Variants in LOC122539214 observed in about 807,000 individuals in gnomAD.
the LOC122539214 span, among the ~76,000 whole-genome samples, chr19:52,656,226 CTA>C: frequency 0.42 from 60,083 of 144,658 alleles, 12,272 homozygotes; most frequent in Middle Eastern, 0.47. Flanking sequence ...CTCTCTCTCT[CTA>C]TATATATATA....
the LOC122539214 span, among the ~76,000 whole-genome samples, chr19:52,687,987 G>A: frequency 6.6e-6 from 1 of 151,956 alleles, no homozygotes; most frequent in Non-Finnish European, 1.5e-5. Context: ...CCAACTGGAA[G>A]CTAACCTCTG....
the LOC122539214 span, among the ~76,000 whole-genome samples, chr19:52,666,177 A>AC: frequency 6.6e-6 from 1 of 151,072 alleles, no homozygotes; most frequent in Non-Finnish European, 1.5e-5. Context: ...AAAAAAAAAA[A>AC]AGAAAGAGAC....
chr19:52,671,282 C>CT, the LOC122539214 span, among the ~76,000 whole-genome samples: 38 of 152,118 alleles, frequency 2.5e-4, no homozygotes, highest in South Asian at 4.2e-3. Flanking sequence ...TTCTCAAATA[C>CT]TTTTTTTTAC....
At chr19:52,678,039 CAAAACAAAACAA>C in the LOC122539214 span, among the ~76,000 whole-genome samples, 400 of 149,086 alleles carry the variant, frequency 2.7e-3, 3 homozygotes, top group Admixed American at 7.8e-3. Flanking sequence ...TCTCAAAAAA[CAAAACAAAACAA>C]AAAACAAAAC....
the LOC122539214 span, among the ~76,000 whole-genome samples, chr19:52,677,686 A>C: frequency 2.5e-4 from 29 of 117,196 alleles, no homozygotes; most frequent in Admixed American, 9.4e-4. Flanking sequence ...GCAATGGGGG[A>C]GACCACAGGC....
chr19:52,650,980 C>T, the LOC122539214 span: 1 of 152,194 alleles, frequency 6.6e-6, no homozygotes, highest in African/African-American at 2.4e-5. Context: ...AAACCAATAT[C>T]CAATTCCCTT....
chr19:52,668,898 T>C, the LOC122539214 span, among the ~76,000 whole-genome samples: 1 of 152,192 alleles, frequency 6.6e-6, no homozygotes, highest in Non-Finnish European at 1.5e-5. Flanking sequence ...CTCTGTCTGC[T>C]ATATCCCAAA....
At chr19:52,655,608 A>G in the LOC122539214 span, 1 of 1,505,782 alleles carries the variant, frequency 6.6e-7, no homozygotes, top group Non-Finnish European at 9.2e-7. Flanking sequence ...GGCCCTGTAT[A>G]AAGCCCTCTG....
the LOC122539214 span, among the ~76,000 whole-genome samples, chr19:52,682,599 C>T: frequency 1.3e-5 from 2 of 151,782 alleles, no homozygotes; most frequent in African/African-American, 4.8e-5. Context: ...ACCCAGGAGT[C>T]AGAGGTTGCA....
the LOC122539214 span, among the ~76,000 whole-genome samples, chr19:52,686,239 C>T: frequency 1.3e-5 from 2 of 151,778 alleles, no homozygotes; most frequent in Non-Finnish European, 2.9e-5. Context: ...GAACTGGATG[C>T]AACTAATTTC....
At chr19:52,684,187 C>T in the LOC122539214 span, among the ~76,000 whole-genome samples, 1 of 151,812 alleles carries the variant, frequency 6.6e-6, no homozygotes, top group Non-Finnish European at 1.5e-5. Context: ...TGGCCAACAT[C>T]GTGAAACTGC....
At chr19:52,687,653 A>G in the LOC122539214 span, among the ~76,000 whole-genome samples, 554 of 25,246 alleles carry the variant, frequency 0.022, 53 homozygotes, top group African/African-American at 0.15. Context: ...ATATATATAT[A>G]TATAATGTAT....
At chr19:52,690,200 AAC>A in the LOC122539214 span, among the ~76,000 whole-genome samples, 9 of 146,738 alleles carry the variant, frequency 6.1e-5, no homozygotes, top group African/African-American at 2.4e-4. Context: ...AAAAAAAAAC[AAC>A]AACAACTACG....
At chr19:52,653,361 A>G in the LOC122539214 span, 6 of 1,154,324 alleles carry the variant, frequency 5.2e-6, no homozygotes, top group Non-Finnish European at 7.6e-6. Context: ...CAAGGTATGA[A>G]TCACGCTGGA....
the LOC122539214 span, among the ~76,000 whole-genome samples, chr19:52,665,541 A>G: frequency 1.3e-5 from 2 of 152,216 alleles, no homozygotes; most frequent in African/African-American, 2.4e-5. Context: ...CAAAGAATCA[A>G]TGTGTCAGTA....
At chr19:52,676,728 G>A in the LOC122539214 span, among the ~76,000 whole-genome samples, 3 of 139,524 alleles carry the variant, frequency 2.2e-5, no homozygotes, top group Admixed American at 7.2e-5. Flanking sequence ...GATGGTTGCC[G>A]TGTCTGTGTA....
chr19:52,677,258 G>A, the LOC122539214 span, among the ~76,000 whole-genome samples: 2 of 150,936 alleles, frequency 1.3e-5, no homozygotes, highest in South Asian at 4.2e-4. Context: ...CTGGAAGTTG[G>A]TGAGGGGCAT....
the LOC122539214 span, chr19:52,652,516 G>C: frequency 2.2e-6 from 1 of 453,278 alleles, no homozygotes; most frequent in African/African-American, 2.0e-5. Context: ...TTTTGCATAA[G>C]ATGAAGCTTG....
At chr19:52,683,190 C>G in the LOC122539214 span, among the ~76,000 whole-genome samples, 2 of 151,074 alleles carry the variant, frequency 1.3e-5, no homozygotes, top group Non-Finnish European at 2.9e-5. Flanking sequence ...ATTATGGCAT[C>G]TTGACTTGAT....
Sources: gnomAD v4.1 joint callset for allele counts (sites outside exome capture counted in the v4.1 genomes callset) on GRCh38, gnomAD v4.1.1 for gene constraint, MANE v1.5 for transcripts.